SGMS2: variants seen among roughly 807,000 people sequenced by gnomAD.
SGMS2 encodes the protein sphingomyelin synthase 2, also known as phosphatidylcholine:ceramide cholinephosphotransferase 2.
Under a neutral mutation model 43.8 loss-of-function variants are expected in SGMS2, and 21 were observed. That is an observed-to-expected ratio of 0.48 (90% confidence interval 0.34 to 0.69). SGMS2 has a LOEUF of 0.69. Among genes scored for constraint, SGMS2 ranks in the 30% least tolerant of loss-of-function variants. SGMS2 has a pLI of 0.01. For missense variants in SGMS2, 384 were observed against 443.2 expected, an observed-to-expected ratio of 0.87 and a Z score of 1.20; for synonymous variants, 167 against 160.6, an observed-to-expected ratio of 1.04 and a Z score of -0.30.
intron 1 of SGMS2, among the ~76,000 whole-genome samples, chr4:107,826,129 A>G (rs1725577264): frequency 1.3e-5 from 2 of 152,228 alleles, no homozygotes; most frequent in African/African-American, 2.4e-5. Flanking sequence ...ACTTCAGATA[A>G]TAAGGTGGAT....
intron 2 of SGMS2, chr4:107,893,024 ATTAATT>A (rs1356807031): frequency 6.6e-6 from 1 of 152,216 alleles, no homozygotes; most frequent in East Asian, 1.9e-4. Flanking sequence ...CAAGGAAAAT[ATTAATT>A]TTAACACTAA....
chr4:107,872,621 G>A (rs1456799559), intron 2 of SGMS2, among the ~76,000 whole-genome samples: 1 of 152,032 alleles, frequency 6.6e-6, no homozygotes, highest in Admixed American at 6.6e-5. Context: ...AGTAAGCTAT[G>A]ATTGTGCCAC....
At chr4:107,871,138 G>T (rs1009094239) in intron 2 of SGMS2, among the ~76,000 whole-genome samples, 1 of 152,088 alleles carries the variant, frequency 6.6e-6, no homozygotes, top group South Asian at 2.1e-4. Flanking sequence ...AACCAAATAG[G>T]ATAAGTACTT....
intron 2 of SGMS2, among the ~76,000 whole-genome samples, chr4:107,882,920 A>G (rs1221772870): frequency 1.3e-5 from 2 of 152,216 alleles, no homozygotes; most frequent in East Asian, 1.9e-4. Flanking sequence ...ATGCAGGAAC[A>G]TGCTTTTTTT....
chr4:107,910,754 A>C lies in SGMS2; in HGVS notation c.*201A>C, dbSNP rs918056662. ...TCCTGAGAAAGATACATTCTCTTGC[A>C]GCTCTTCATTCATTGGTGACAAGCC... On this transcript the variant is annotated 3_prime_UTR_variant, in exon 7 of 7. Transcript: ENST00000690982. The C allele has an allele frequency of 7.3e-6, 4 of 550,218 alleles. No homozygotes were observed. The East Asian group carries it at 1.2e-4, about 17-fold the overall frequency. 34.1% of individuals were successfully genotyped at this position (550,218 alleles called of 1,614,324 possible). A position where few individuals can be genotyped will look rare whatever the true frequency, so the allele number is the denominator to read the frequency against.
In SGMS2 at chr4:107,873,766, G is replaced by A. The variant is rs1275725689; in HGVS notation, c.-245+15213G>A. 2.0e-5 allele frequency among the ~76,000 whole-genome samples: 3 copies of A among 152,006 alleles called. No individual in the cohort carries two copies. The East Asian group carries it at 5.8e-4, about 29-fold the overall frequency. On this transcript the variant is annotated intron_variant, in intron 2 of 6. Transcript: ENST00000690982. ...TAGAATTTCAATATCACGTTGCTGT[G>A]TAAGAGCACCTGCCCACAGTTCCCA...
chr4:107,859,600 C>A (rs1727615032), intron 2 of SGMS2, among the ~76,000 whole-genome samples: 1 of 152,152 alleles, frequency 6.6e-6, no homozygotes, highest in Admixed American at 6.5e-5. Context: ...ATTTATTCAA[C>A]AAATACTTAC....
chr4:107,840,416 C>T (rs1019605961), intron 1 of SGMS2, among the ~76,000 whole-genome samples: 1 of 152,148 alleles, frequency 6.6e-6, no homozygotes, highest in African/African-American at 2.4e-5. Flanking sequence ...GTTTGATTCC[C>T]TCCTCCATAT....
At chr4:107,890,545 C>T (rs562615793) in intron 2 of SGMS2, among the ~76,000 whole-genome samples, 3 of 151,742 alleles carry the variant, frequency 2.0e-5, no homozygotes, top group Admixed American at 1.3e-4. Context: ...TGTGGTGGTA[C>T]GTGCGTGTAA....
chr4:107,878,088 G>A (rs2017411), intron 2 of SGMS2, among the ~76,000 whole-genome samples: 57,655 of 151,414 alleles, frequency 0.38, 11,645 homozygotes, highest in Non-Finnish European at 0.45. Flanking sequence ...GCTAACTTTT[G>A]TATTTTTAGT....
chr4:107,878,536 T>C (rs1729098324), intron 2 of SGMS2, among the ~76,000 whole-genome samples: 1 of 152,196 alleles, frequency 6.6e-6, no homozygotes, highest in Non-Finnish European at 1.5e-5. Flanking sequence ...GGTAGCCCTA[T>C]CTATCTTTCC....
chr4:107,838,377 C>T (rs982166277), intron 1 of SGMS2, among the ~76,000 whole-genome samples: 2 of 152,332 alleles, frequency 1.3e-5, no homozygotes, highest in African/African-American at 2.4e-5. Context: ...CTGCAGGAAA[C>T]TTTCCTGCTC....
intron 1 of SGMS2, among the ~76,000 whole-genome samples, chr4:107,839,030 G>T (rs2125995467): frequency 6.6e-6 from 1 of 152,174 alleles, no homozygotes; most frequent in South Asian, 2.1e-4. Flanking sequence ...GGCTTGCTTA[G>T]CTCCATTCCT....
intron 2 of SGMS2, among the ~76,000 whole-genome samples, chr4:107,871,220 C>T (rs1256949596): frequency 6.6e-6 from 1 of 152,070 alleles, no homozygotes; most frequent in Admixed American, 6.6e-5. Context: ...GAGAGAGAGA[C>T]TATTTTACTT....
chr4:107,907,771 C>T (rs1465223628), intron 5 of SGMS2, among the ~76,000 whole-genome samples: 2 of 152,106 alleles, frequency 1.3e-5, no homozygotes, highest in African/African-American at 4.8e-5. Context: ...GCTAATACAG[C>T]TTTAAAATAA....
chr4:107,883,981 C>T (rs575706613), intron 2 of SGMS2, among the ~76,000 whole-genome samples: 54 of 152,288 alleles, frequency 3.5e-4, no homozygotes, highest in Non-Finnish European at 5.7e-4. Flanking sequence ...CTATAGTACA[C>T]TTGTTAGATT....
chr4:107,870,248 TGTAA>T (rs1397563564), intron 2 of SGMS2, among the ~76,000 whole-genome samples: 2 of 152,194 alleles, frequency 1.3e-5, no homozygotes, highest in African/African-American at 4.8e-5. Context: ...GTCTGTCCTC[TGTAA>T]GTAAGAGATG....
chr4:107,861,762 TA>T (rs1170751988), intron 2 of SGMS2, among the ~76,000 whole-genome samples: 8 of 152,236 alleles, frequency 5.3e-5, no homozygotes, highest in African/African-American at 1.9e-4. Context: ...ACCCATTTTA[TA>T]GTTGTTAAAA....
chr4:107,895,496 A>G lies in SGMS2; in HGVS notation c.-58A>G, dbSNP rs763589073. ...AAATAGAAGGATTGAAAAAAGCTAA[A>G]TTTCCACAAAGAACAAGAACTTGAC... On this transcript the variant is annotated 5_prime_UTR_variant, in exon 3 of 7. Transcript: ENST00000690982. 1.7e-5 allele frequency: 26 copies of G among 1,522,728 alleles called. No homozygotes were observed. The highest frequency in any genetic ancestry group is 2.3e-5 in the Non-Finnish European group (26 of 1,132,636). 94.3% of individuals were successfully genotyped at this position (1,522,728 alleles called of 1,614,324 possible). A position where few individuals can be genotyped will look rare whatever the true frequency, so the allele number is the denominator to read the frequency against.
Sources: allele counts gnomAD v4.1 joint callset (sites outside exome capture counted in the v4.1 genomes callset), GRCh38; gene constraint gnomAD v4.1.1; transcripts MANE v1.5; gene names NCBI Gene and HGNC (gene_info 2026-07-23, HGNC 2026-07-21).